Variants in TADA1 observed in about 807,000 individuals in gnomAD.
The protein encoded by TADA1 is transcriptional adapter 1.
A neutral mutation model predicts 39.3 loss-of-function variants in TADA1; 23 were observed. That is an observed-to-expected ratio of 0.58 (90% CI 0.42 to 0.83). TADA1 has a LOEUF of 0.83. Ranked by LOEUF, TADA1 falls within the 40% of genes least tolerant of loss-of-function variation. The pLI is 0.00. For synonymous variants in TADA1, 137 were observed against 151.8 expected, an observed-to-expected ratio of 0.90 and a Z score of 0.72; for missense variants, 352 against 408.1, an observed-to-expected ratio of 0.86 and a Z score of 1.18.
rs1438278192 is a variant in TADA1, at chr1:166,876,239, C to T, written c.-6G>A. On this transcript the variant is annotated 5_prime_UTR_variant, in exon 1 of 8. Coordinates refer to ENST00000367874, the MANE Select transcript of TADA1 (RefSeq NM_053053.4). ...TCGCTCACAAAGGTCGCCATTGCTC[C>T]GCGTGTCTCAGCCCGACCGCAGACC... The T allele has an allele frequency of 6.2e-7, 1 of 1,612,902 alleles. No homozygotes were observed.
chr1:166,863,945 A>C, intron 3 of TADA1, 24 bp from the exon 4 acceptor site: 1 of 1,558,158 alleles, frequency 6.4e-7, no homozygotes, highest in Admixed American at 2.1e-5. Context: ...ATATATAACC[A>C]TAAGTAAAAA....
intron 3 of TADA1, 62 bp downstream of exon 3, chr1:166,869,383 A>C: frequency 7.1e-7 from 1 of 1,409,866 alleles, no homozygotes; most frequent in Non-Finnish European, 1.0e-6. Context: ...TGTCTATTAG[A>C]GAAAGCTAAA....
At chr1:166,860,784 C>T (rs1384835545) in intron 5 of TADA1, among the ~76,000 whole-genome samples, 1 of 152,134 alleles carries the variant, frequency 6.6e-6, no homozygotes, top group Non-Finnish European at 1.5e-5. Context: ...ATTCTCCTGC[C>T]TCAGCCTCCC....
At chr1:166,871,003 G>A (rs1571242509) in intron 1 of TADA1, among the ~76,000 whole-genome samples, 1 of 152,102 alleles carries the variant, frequency 6.6e-6, no homozygotes, top group East Asian at 1.9e-4. Context: ...AACGGAGAGG[G>A]GAGTAGTCAT....
chr1:166,858,480 C>G (rs1302958520), intron 6 of TADA1, among the ~76,000 whole-genome samples, 199 bp from the exon 7 acceptor site: 1 of 152,152 alleles, frequency 6.6e-6, no homozygotes, highest in Admixed American at 6.5e-5. Flanking sequence ...TATATTTACC[C>G]TCCTTCTTCC....
At chr1:166,874,201 C>T (rs557536779) in intron 1 of TADA1, among the ~76,000 whole-genome samples, 66 of 151,812 alleles carry the variant, frequency 4.3e-4, no homozygotes, top group Non-Finnish European at 8.1e-4. Flanking sequence ...ATTAGCCGGG[C>T]GTGGTGGCAG....
At chr1:166,867,546 T>G (rs1658564246) in intron 3 of TADA1, among the ~76,000 whole-genome samples, 1 of 151,740 alleles carries the variant, frequency 6.6e-6, no homozygotes, top group Non-Finnish European at 1.5e-5. Context: ...ACGACTTCTT[T>G]GAGGGTCAAA....
chr1:166,871,911 G>A (rs995911630), intron 1 of TADA1, among the ~76,000 whole-genome samples: 2 of 152,282 alleles, frequency 1.3e-5, no homozygotes, highest in South Asian at 4.1e-4. Context: ...TATTTTATAA[G>A]AAGCAAATGT....
In TADA1 at chr1:166,863,938, T is replaced by A; in HGVS notation, c.233-17A>T. On this transcript the variant is annotated splice_polypyrimidine_tract_variant and intron_variant, in intron 3 of 7. Transcript: ENST00000367874. Reference sequence around the variant, plus strand: ...CAGCACCATCTAGGAGACAGAAATATATAACCATAAGTAAAAATAATGACA... The same window carrying A: ...CAGCACCATCTAGGAGACAGAAATAAATAACCATAAGTAAAAATAATGACA... 6.3e-7 allele frequency: 1 copy of A among 1,576,160 alleles called. No individual in the cohort carries two copies. Among genetic ancestry groups the A allele is most frequent in the Non-Finnish European group, 8.6e-7 (1 of 1,167,610 alleles).
chr1:166,858,396 C>T (rs1032054973), intron 6 of TADA1, 115 bp from the exon 7 acceptor site: 2 of 723,792 alleles, frequency 2.8e-6, no homozygotes, highest in Non-Finnish European at 2.1e-6. Context: ...GAAATCCATT[C>T]AATGTCTACT....
At chr1:166,862,939 C>T (rs1658449483) in intron 4 of TADA1, 1 of 158,056 alleles carries the variant, frequency 6.3e-6, no homozygotes, top group African/African-American at 2.4e-5. Flanking sequence ...ACCTAAGATA[C>T]AGTCATGACT....
chr1:166,867,925 A>T (rs906358919), intron 3 of TADA1, among the ~76,000 whole-genome samples: 4 of 152,172 alleles, frequency 2.6e-5, no homozygotes, highest in African/African-American at 9.7e-5. Flanking sequence ...AGAGAGGATT[A>T]AAAAATACCA....
At chr1:166,874,026 G>A (rs553093140) in intron 1 of TADA1, among the ~76,000 whole-genome samples, 29 of 151,612 alleles carry the variant, frequency 1.9e-4, no homozygotes, top group African/African-American at 6.8e-4. Context: ...GGAACAGAGT[G>A]AAATGCCCCT....
In TADA1 at chr1:166,876,175, C is replaced by G; in HGVS notation, c.59G>C (p.Gly20Ala). Reference protein sequence around the residue: ...AAKKNLSEALGDNVKQYWANL... With the variant: ...AAKKNLSEALADNVKQYWANL... ...CAGCTCTTACTGTTTCACGTTGTCC[C>G]CCAGGGCCTCGCTTAAGTTCTTCTT... Residue 20 changes from glycine to alanine, a missense_variant, in exon 1 of 8, where the codon GGG becomes GCG. Gly to Ala is a moderately conservative substitution (Grantham distance 60, BLOSUM62 0). Coordinates refer to ENST00000367874, the MANE Select transcript of TADA1 (RefSeq NM_053053.4). 1 of 1,613,728 alleles carries G rather than the reference C, an allele frequency of 6.2e-7. No homozygotes were observed.
intron 1 of TADA1, among the ~76,000 whole-genome samples, chr1:166,871,857 A>C (rs181019242): frequency 9.2e-4 from 140 of 152,382 alleles, no homozygotes; most frequent in African/African-American, 3.2e-3. Flanking sequence ...ATAAAAAAAT[A>C]GTAACCTGGA....
rs1658286117 is a variant in TADA1, at chr1:166,856,693, G to A, written c.*874C>T. On this transcript the variant is annotated 3_prime_UTR_variant, in exon 8 of 8. Transcript: ENST00000367874. ...AAAAAGCAACATATCTCTTAAGTAG[G>A]TTTGTTATCAGTAACACTATCGAAT... is the stretch of plus-strand genomic sequence containing the variant. 2 of 152,556 alleles carry A rather than the reference G, an allele frequency of 1.3e-5. No individual in the cohort carries two copies. Among genetic ancestry groups the A allele is most frequent in the Non-Finnish European group, 2.9e-5 (2 of 68,024 alleles). 9.5% of individuals were successfully genotyped at this position (152,556 alleles called of 1,614,324 possible).
chr1:166,858,315 C>G (rs528600481), intron 6 of TADA1, 34 bp from the exon 7 acceptor site: 22 of 1,491,040 alleles, frequency 1.5e-5, no homozygotes, highest in Non-Finnish European at 1.9e-5. Flanking sequence ...AGTCCCAGCA[C>G]AGAGACAACT....
chr1:166,860,913 C>G (rs111251290), intron 5 of TADA1, among the ~76,000 whole-genome samples: 4 of 152,138 alleles, frequency 2.6e-5, no homozygotes, highest in Non-Finnish European at 5.9e-5. Context: ...AGGTGACCCG[C>G]CCATCTCAGC....
intron 3 of TADA1, among the ~76,000 whole-genome samples, chr1:166,866,444 A>G: frequency 6.6e-6 from 1 of 152,310 alleles, no homozygotes; most frequent in East Asian, 1.9e-4. Flanking sequence ...ATTATTATTA[A>G]TATCATCTTT....
Sources: allele counts gnomAD v4.1 joint callset (sites outside exome capture counted in the v4.1 genomes callset), GRCh38; gene constraint gnomAD v4.1.1; transcripts MANE v1.5; gene names NCBI Gene and HGNC (gene_info 2026-07-23, HGNC 2026-07-21).